Variants in VAMP7 observed in about 807,000 individuals in gnomAD.
VAMP7 encodes vesicle associated membrane protein 7.
Under a neutral mutation model 29.6 loss-of-function variants are expected in VAMP7, and 14 were observed. That is an observed-to-expected ratio of 0.47 (90% CI 0.31 to 0.74). The LOEUF is 0.74. VAMP7 is among the 30% of genes least tolerant of loss of function. VAMP7 has a pLI of 0.05. For synonymous variants in VAMP7, 95 were observed against 88.1 expected (o/e 1.08, Z -0.44); for missense variants, 223 against 262.4 (o/e 0.85, Z 1.04).
At chrX:155,885,464 A>G (rs1375635877) in intron 1 of VAMP7, among the ~76,000 whole-genome samples, 2 of 152,190 alleles carry the variant, frequency 1.3e-5, no homozygotes, top group Admixed American at 1.3e-4. Flanking sequence ...GTGTAGTATC[A>G]GTTTAAAATG....
intron 5 of VAMP7, among the ~76,000 whole-genome samples, chrX:155,903,040 T>C (rs1352717612): frequency 1.3e-5 from 2 of 151,992 alleles, no homozygotes; most frequent in African/African-American, 4.8e-5. Flanking sequence ...ATTGCCACAA[T>C]TTCAGAGCCT....
At chrX:155,927,388 A>T (rs891553408) in intron 6 of VAMP7, among the ~76,000 whole-genome samples, 7 of 143,922 alleles carry the variant, frequency 4.9e-5, no homozygotes, top group Non-Finnish European at 9.0e-5. Flanking sequence ...AAAAAGAAAC[A>T]AAAAGTGCAG....
At chrX:155,899,319 C>A (rs972364084) in intron 4 of VAMP7, among the ~76,000 whole-genome samples, 1 of 151,818 alleles carries the variant, frequency 6.6e-6, no homozygotes, top group African/African-American at 2.4e-5. Flanking sequence ...TTTGCCATTC[C>A]AGTTGATGTG....
chrX:155,929,669 T>C (rs1260060045), intron 6 of VAMP7, among the ~76,000 whole-genome samples: 2 of 152,156 alleles, frequency 1.3e-5, no homozygotes, highest in Non-Finnish European at 2.9e-5. Context: ...TTCCCAGATA[T>C]TCTTGTCCCG....
intron 2 of VAMP7, among the ~76,000 whole-genome samples, chrX:155,890,541 A>G (rs1341747381): frequency 6.6e-6 from 1 of 151,706 alleles, no homozygotes; most frequent in Non-Finnish European, 1.5e-5. Context: ...TTGTATTTTT[A>G]GTAGAGTTGG....
intron 7 of VAMP7, among the ~76,000 whole-genome samples, chrX:155,940,724 G>A (rs1569453556): frequency 1.3e-5 from 2 of 152,084 alleles, no homozygotes; most frequent in Admixed American, 6.5e-5. Flanking sequence ...TTATATTACA[G>A]CTGTGACAAA....
intron 1 of VAMP7, among the ~76,000 whole-genome samples, chrX:155,885,489 G>T (rs1190839324): frequency 1.3e-5 from 2 of 152,190 alleles, no homozygotes; most frequent in Non-Finnish European, 2.9e-5. Flanking sequence ...TTTGTTGTGG[G>T]TTGAATTGTG....
chrX:155,898,124 T>TC lies in VAMP7; in HGVS notation c.220dup (p.Arg74ProfsTer4). On this transcript the variant is annotated frameshift_variant, in exon 4 of 8. Coordinates refer to ENST00000286448, the MANE Select transcript of VAMP7 (RefSeq NM_005638.6). LOFTEE classifies it high-confidence loss of function. The stretch of plus-strand genomic sequence containing the variant: ...GATCTCTTTTCAGGATTTTGAACGT[T>TC]CCCGAGCCTTTAATTTTCTGAATGA... 6.2e-7 allele frequency: 1 copy of TC among 1,612,366 alleles called. No individual in the cohort carries two copies. Among genetic ancestry groups the TC allele is most frequent in the Non-Finnish European group, 8.5e-7 (1 of 1,179,116 alleles).
chrX:155,923,274 T>A (rs1322593436), intron 6 of VAMP7, among the ~76,000 whole-genome samples: 2 of 152,008 alleles, frequency 1.3e-5, no homozygotes, highest in African/African-American at 2.4e-5. Flanking sequence ...CTTAATTCTT[T>A]TGTGTAGGCC....
intron 4 of VAMP7, among the ~76,000 whole-genome samples, chrX:155,898,811 A>G (rs1367193902): frequency 6.6e-6 from 1 of 152,074 alleles, no homozygotes; most frequent in East Asian, 1.9e-4. Flanking sequence ...TCTGTTTTCT[A>G]TCACTATAAA....
At chrX:155,915,872 A>G (rs1317005360) in intron 5 of VAMP7, among the ~76,000 whole-genome samples, 3 of 152,186 alleles carry the variant, frequency 2.0e-5, no homozygotes, top group Non-Finnish European at 4.4e-5. Context: ...GTAGATGTCT[A>G]TTAGGTCCTC....
chrX:155,934,827 A>C (rs1488057865), intron 6 of VAMP7, among the ~76,000 whole-genome samples: 1 of 152,030 alleles, frequency 6.6e-6, no homozygotes, highest in African/African-American at 2.4e-5. Flanking sequence ...ATGTTTTTCC[A>C]GTGGCTGGTA....
In VAMP7 at chrX:155,892,643, C is replaced by G. The variant is rs760277167; in HGVS notation, c.147-2980C>G. Among the ~76,000 whole-genome samples, 5 of 152,078 alleles carry G rather than the reference C, an allele frequency of 3.3e-5. No homozygotes were observed. In the South Asian group the frequency reaches 1.0e-3, roughly 32 times the overall value. ...CTTAGATGTTTCCTTTTCCAGAAACCCCTGAACATTAACACTGAGTCAGGC... is the reference window on the plus strand; with the variant it reads ...CTTAGATGTTTCCTTTTCCAGAAACGCCTGAACATTAACACTGAGTCAGGC... On this transcript the variant is annotated intron_variant, in intron 2 of 7. Transcript: ENST00000286448.
chrX:155,930,673 C>T (rs894838023), intron 6 of VAMP7, among the ~76,000 whole-genome samples: 54 of 148,998 alleles, frequency 3.6e-4, no homozygotes, highest in African/African-American at 1.2e-3. Context: ...AATTTTTTTT[C>T]TTTTAATTCT....
intron 5 of VAMP7, 70 bp from the exon 6 acceptor site, chrX:155,919,742 CT>C (rs1349328381): frequency 1.4e-6 from 2 of 1,399,302 alleles, no homozygotes; most frequent in East Asian, 4.7e-5. Flanking sequence ...AGTTATATTA[CT>C]TTTTTAAAAA....
At chrX:155,921,634 A>C (rs1420248008) in intron 6 of VAMP7, among the ~76,000 whole-genome samples, 1 of 151,706 alleles carries the variant, frequency 6.6e-6, no homozygotes, top group Non-Finnish European at 1.5e-5. Context: ...GTGGGGCTTT[A>C]TTTCTGGATT....
At chrX:155,900,291 A>T (rs1246136034) in intron 4 of VAMP7, among the ~76,000 whole-genome samples, 1 of 151,788 alleles carries the variant, frequency 6.6e-6, no homozygotes, top group African/African-American at 2.4e-5. Context: ...CTACATACTT[A>T]TAGTTTGTAT....
intron 5 of VAMP7, among the ~76,000 whole-genome samples, chrX:155,906,234 G>GCAAAGAATCCTGCTAATA (rs2066144857): frequency 6.6e-6 from 1 of 152,086 alleles, no homozygotes; most frequent in East Asian, 1.9e-4. Context: ...CCCCACCCTT[G>GCAAAGAATCCTGCTAATA]ATCAAGTTCC....
In VAMP7 at chrX:155,919,825, A is replaced by G; in HGVS notation, c.446A>G (p.Gln149Arg). 4 of 1,613,256 alleles carry G rather than the reference A, an allele frequency of 2.5e-6. No individual in the cohort carries two copies. The highest frequency in any genetic ancestry group is 3.4e-6 in the Non-Finnish European group (4 of 1,179,570). Residue 149 changes from glutamine to arginine, a missense_variant, in exon 6 of 8, where the codon CAG becomes CGG. By Grantham distance (43) the Gln-to-Arg change is conservative. Transcript: ENST00000286448. ...IMVRNIDLVA[Q>R]RGERLELLID... ...CCAATATTTTCAGATCTGGTAGCTCAGCGAGGAGAAAGATTGGAATTATTG... is the reference window on the plus strand; with the variant it reads ...CCAATATTTTCAGATCTGGTAGCTCGGCGAGGAGAAAGATTGGAATTATTG...
Sources: allele counts gnomAD v4.1 joint callset (sites outside exome capture counted in the v4.1 genomes callset), GRCh38; gene constraint gnomAD v4.1.1; transcripts MANE v1.5; gene names NCBI Gene and HGNC (gene_info 2026-07-23, HGNC 2026-07-21).